The following GAS7 variants were observed in gnomAD, a reference collection of about 807,000 sequenced individuals.
GAS7 encodes growth arrest specific 7, also known as growth arrest-specific protein 7.
Under a neutral mutation model 71.1 loss-of-function variants are expected in GAS7, and 28 were observed. The observed-to-expected ratio is 0.39, with a 90% confidence interval of 0.29 to 0.54. GAS7 has a LOEUF of 0.54. Ranked by LOEUF, GAS7 falls within the 20% of genes least tolerant of loss-of-function variation. The probability of loss-of-function intolerance (pLI) is 0.62; values close to 1 mark genes in which losing one functional copy is unlikely to be tolerated. For synonymous variants in GAS7, 258 were observed against 245.8 expected (o/e 1.05, Z -0.46); for missense variants, 436 against 627.8 (o/e 0.69, Z 3.27).
At chr17:10,071,298 A>G (rs999383694) in intron 1 of GAS7, among the ~76,000 whole-genome samples, 1 of 152,116 alleles carries the variant, frequency 6.6e-6, no homozygotes, top group Non-Finnish European at 1.5e-5. Context: ...AAAATATCAC[A>G]TACTACTCAG....
chr17:10,181,228 T>C (rs544172227), intron 1 of GAS7, among the ~76,000 whole-genome samples: 21 of 146,178 alleles, frequency 1.4e-4, no homozygotes, highest in South Asian at 4.7e-4. Context: ...GGCGTGGTGG[T>C]GCATGCCTGT....
intron 2 of GAS7, among the ~76,000 whole-genome samples, chr17:9,985,130 C>T (rs1009127839): frequency 5.9e-5 from 9 of 152,168 alleles, no homozygotes; most frequent in Admixed American, 1.3e-4. Context: ...CCTGGAGATG[C>T]CCCTCCATCA....
At chr17:10,019,074 G>C (rs541411161) in intron 2 of GAS7, among the ~76,000 whole-genome samples, 1 of 152,100 alleles carries the variant, frequency 6.6e-6, no homozygotes, top group African/African-American at 2.4e-5. Flanking sequence ...AACCTGCCAC[G>C]TGGTGCATCC....
intron 9 of GAS7, among the ~76,000 whole-genome samples, chr17:9,932,514 T>A (rs1434195308): frequency 2.0e-5 from 3 of 152,200 alleles, no homozygotes; most frequent in Non-Finnish European, 2.9e-5. Flanking sequence ...AAGGCAAGCC[T>A]GTTAATGGGT....
chr17:10,016,001 T>C (rs2071980890), intron 2 of GAS7, among the ~76,000 whole-genome samples: 1 of 152,212 alleles, frequency 6.6e-6, no homozygotes, highest in Non-Finnish European at 1.5e-5. Flanking sequence ...TTTGTTCTTA[T>C]TAAATCCCCA....
chr17:10,051,429 T>G (rs1196347701), intron 1 of GAS7, among the ~76,000 whole-genome samples: 3 of 152,316 alleles, frequency 2.0e-5, no homozygotes, highest in Middle Eastern at 3.4e-3. Context: ...AACATCAGAA[T>G]AGGTTCTCAT....
intron 2 of GAS7, among the ~76,000 whole-genome samples, chr17:9,994,999 G>A (rs1018175671): frequency 6.6e-6 from 1 of 152,202 alleles, no homozygotes; most frequent in Admixed American, 6.5e-5. Context: ...CGTGGCAACG[G>A]AAGAGTCCAG....
intron 1 of GAS7, among the ~76,000 whole-genome samples, chr17:10,155,318 C>A (rs537838521): frequency 1.6e-5 from 2 of 128,088 alleles, no homozygotes; most frequent in Non-Finnish European, 3.3e-5. Context: ...GCCCGGCCAC[C>A]AATAACTCTT....
chr17:10,006,849 C>T (rs1322701184), intron 2 of GAS7, among the ~76,000 whole-genome samples: 2 of 152,208 alleles, frequency 1.3e-5, no homozygotes, highest in Non-Finnish European at 2.9e-5. Context: ...AATATAAACA[C>T]TGGCCAGGTG....
chr17:10,039,386 G>A (rs2072818725), intron 1 of GAS7, among the ~76,000 whole-genome samples: 1 of 152,114 alleles, frequency 6.6e-6, no homozygotes, highest in Non-Finnish European at 1.5e-5. Context: ...AGCCCACCTA[G>A]AAGATGAGGG....
At chr17:10,116,897 A>G (rs1076145) in intron 1 of GAS7, among the ~76,000 whole-genome samples, 48,309 of 151,312 alleles carry the variant, frequency 0.32, 8,003 homozygotes, top group Admixed American at 0.36. Context: ...TGAGGGGGGG[A>G]AAAGAAAAAA....
chr17:10,158,336 TAAAAAAAA>T (rs58514810), intron 1 of GAS7, among the ~76,000 whole-genome samples: 1 of 83,404 alleles, frequency 1.2e-5, no homozygotes, highest in African/African-American at 4.2e-5. Context: ...CTTTTTTTGG[TAAAAAAAA>T]AAAAAAAAAA....
chr17:10,139,969 TCAAAGA>T (rs1482749241), intron 1 of GAS7, among the ~76,000 whole-genome samples: 1 of 152,144 alleles, frequency 6.6e-6, no homozygotes, highest in Non-Finnish European at 1.5e-5. Flanking sequence ...ACTATCAAAG[TCAAAGA>T]CAATTTTATT....
intron 4 of GAS7, among the ~76,000 whole-genome samples, chr17:9,962,251 CACACACACACACACACGTG>C (rs2069527456): frequency 6.6e-6 from 1 of 151,862 alleles, no homozygotes; most frequent in Non-Finnish European, 1.5e-5. Flanking sequence ...CACACACACA[CACACACACACACACACGTG>C]ACACACACAC....
intron 1 of GAS7, among the ~76,000 whole-genome samples, chr17:10,113,187 C>T (rs995958033): frequency 1.3e-5 from 2 of 152,092 alleles, no homozygotes; most frequent in Admixed American, 6.5e-5. Flanking sequence ...TGAAAGTGCA[C>T]GATGCTGGCA....
At chr17:9,930,122 A>G (rs761591289) in intron 9 of GAS7, among the ~76,000 whole-genome samples, 2 of 152,242 alleles carry the variant, frequency 1.3e-5, no homozygotes, top group Non-Finnish European at 2.9e-5. Flanking sequence ...TTTTGGTGAG[A>G]ACAGACCAGA....
At position 10,034,866 on chromosome 17, in the gene GAS7, G is replaced by A. The variant is rs1382913970; in HGVS notation, c.184-14969C>T. Among the ~76,000 whole-genome samples, 1 of 152,146 alleles carries A rather than the reference G, an allele frequency of 6.6e-6. No homozygotes were observed. Among genetic ancestry groups the A allele is most frequent in the Non-Finnish European group, 1.5e-5 (1 of 68,022 alleles). ...CCTGTCACTCCTCCGAGCCACGTGA[G>A]TGGTCTTAGCTCTATTTGCCTAGCA... On this transcript the variant is annotated intron_variant, in intron 1 of 13. Coordinates refer to ENST00000432992, the MANE Select transcript of GAS7 (RefSeq NM_201433.2). The surrounding 1 kb of genome is among the most constrained non-coding windows in gnomAD (Gnocchi z 4.4).
intron 1 of GAS7, among the ~76,000 whole-genome samples, chr17:10,056,559 C>T (rs911187086): frequency 6.6e-6 from 1 of 151,816 alleles, no homozygotes; most frequent in African/African-American, 2.4e-5. Context: ...TCTCAGTCTT[C>T]GGCTCCAACA....
At chr17:10,163,826 T>C (rs1252015595) in intron 1 of GAS7, among the ~76,000 whole-genome samples, 2 of 152,154 alleles carry the variant, frequency 1.3e-5, no homozygotes, top group East Asian at 1.9e-4. Flanking sequence ...TGGGTGCCCT[T>C]AGGTCAGTTA....
Sources: gnomAD v4.1 joint callset for allele counts (sites outside exome capture counted in the v4.1 genomes callset) on GRCh38, gnomAD v4.1.1 for gene constraint, Gnocchi (gnomAD v3.1) non-coding constraint, MANE v1.5 for transcripts, NCBI Gene and HGNC (gene_info 2026-07-23, HGNC 2026-07-21) for gene names.